Variants in KLHL1 observed in about 807,000 individuals in gnomAD.
KLHL1 encodes the protein kelch like family member 1.
Under a neutral mutation model 77.7 loss-of-function variants are expected in KLHL1, and 47 were observed. That is an observed-to-expected ratio of 0.60 (90% CI 0.48 to 0.77). The LOEUF (loss-of-function observed/expected upper bound fraction) is 0.77, where lower values mean the gene tolerates loss of function less well. Among genes scored for constraint, KLHL1 ranks in the 30% least tolerant of loss-of-function variants. KLHL1 has a pLI of 0.00. For synonymous variants in KLHL1, 360 were observed against 325.2 expected (o/e 1.11, Z -1.15); for missense variants, 925 against 910.8 (o/e 1.02, Z -0.20).
Position 69,839,232 on chromosome 13 carries a change from T to C in KLHL1, c.1228-70A>G, listed in dbSNP as rs904976588. The stretch of plus-strand genomic sequence containing the variant: ...TGAACATTATGTCATTCCTTAAAAC[T>C]AGAAGTTTAATGTCTGTGATATTAT... On this transcript the variant is annotated intron_variant, in intron 5 of 10. Coordinates refer to ENST00000377844, the MANE Select transcript of KLHL1 (RefSeq NM_020866.3). 6 of 1,106,436 alleles carry C rather than the reference T, an allele frequency of 5.4e-6. No homozygotes were observed. The African/African-American group carries it at 8.0e-5, about 15-fold the overall frequency. 68.5% of individuals were successfully genotyped at this position (1,106,436 alleles called of 1,614,324 possible).
intron 1 of KLHL1, among the ~76,000 whole-genome samples, chr13:70,000,524 T>G (rs1217688453): frequency 2.6e-5 from 4 of 151,956 alleles, no homozygotes; most frequent in Non-Finnish European, 5.9e-5. Flanking sequence ...AAAGTTTGAT[T>G]GATCTTTTCA....
At chr13:70,103,932 G>A (rs534762608) in intron 1 of KLHL1, among the ~76,000 whole-genome samples, 1 of 152,250 alleles carries the variant, frequency 6.6e-6, no homozygotes, top group Non-Finnish European at 1.5e-5. Flanking sequence ...ATGCAAATCT[G>A]TAAAGACAGT....
At chr13:70,095,018 G>A (rs1479569941) in intron 1 of KLHL1, among the ~76,000 whole-genome samples, 1 of 151,964 alleles carries the variant, frequency 6.6e-6, no homozygotes, top group African/African-American at 2.4e-5. Context: ...TCTGAGCCTG[G>A]GTATCTCTCT....
At chr13:69,808,080 A>C (rs1877694096) in intron 6 of KLHL1, among the ~76,000 whole-genome samples, 1 of 152,132 alleles carries the variant, frequency 6.6e-6, no homozygotes. Flanking sequence ...CCAGCTACTG[A>C]AGGCAACACC....
At chr13:69,918,378 T>G (rs76251627) in intron 4 of KLHL1, among the ~76,000 whole-genome samples, 1 of 152,126 alleles carries the variant, frequency 6.6e-6, no homozygotes, top group East Asian at 1.9e-4. Context: ...ATACTACATA[T>G]TTTCTCCCAA....
chr13:69,865,473 G>A (rs1006189739), intron 5 of KLHL1, among the ~76,000 whole-genome samples: 4 of 152,088 alleles, frequency 2.6e-5, no homozygotes, highest in African/African-American at 2.4e-5. Flanking sequence ...AATGATGTGC[G>A]CATTTCAAAG....
intron 4 of KLHL1, among the ~76,000 whole-genome samples, chr13:69,933,811 T>G (rs897740750): frequency 1.3e-5 from 2 of 151,776 alleles, no homozygotes; most frequent in African/African-American, 4.8e-5. Flanking sequence ...AAAAAAATAC[T>G]TGAGAAAAAA....
chr13:70,080,015 TAGGTAA>T (rs1051402215), intron 1 of KLHL1, among the ~76,000 whole-genome samples: 6 of 152,128 alleles, frequency 3.9e-5, no homozygotes, highest in African/African-American at 1.4e-4. Context: ...TCTGGCTCAG[TAGGTAA>T]AAGAAGGGAT....
At chr13:70,061,705 C>T (rs1185685372) in intron 1 of KLHL1, among the ~76,000 whole-genome samples, 2 of 152,158 alleles carry the variant, frequency 1.3e-5, no homozygotes, top group Non-Finnish European at 1.5e-5. Context: ...TCTCAATTCT[C>T]TTCTCTCCAC....
At chr13:70,044,452 A>G (rs1443758672) in intron 1 of KLHL1, among the ~76,000 whole-genome samples, 1 of 152,176 alleles carries the variant, frequency 6.6e-6, no homozygotes, top group African/African-American at 2.4e-5. Flanking sequence ...AATAAATACT[A>G]TTTGTATTTA....
intron 3 of KLHL1, among the ~76,000 whole-genome samples, chr13:69,949,104 A>G (rs1321481189): frequency 6.6e-6 from 1 of 151,942 alleles, no homozygotes; most frequent in Admixed American, 6.6e-5. Flanking sequence ...CCCATTATTA[A>G]CATCTTACAT....
chr13:69,880,646 T>C (rs17085574), intron 5 of KLHL1, among the ~76,000 whole-genome samples: 8,728 of 152,170 alleles, frequency 0.057, 642 homozygotes, highest in African/African-American at 0.17. Context: ...TCTGATCTGA[T>C]GTAACCATTT....
chr13:70,046,593 T>G (rs1277150723), intron 1 of KLHL1, among the ~76,000 whole-genome samples: 2 of 152,210 alleles, frequency 1.3e-5, no homozygotes, highest in Non-Finnish European at 2.9e-5. Context: ...GCTCAAGCGA[T>G]TCGCGTGCTT....
chr13:70,068,152 T>C (rs1593717096), intron 1 of KLHL1, among the ~76,000 whole-genome samples: 2 of 151,626 alleles, frequency 1.3e-5, no homozygotes, highest in African/African-American at 4.8e-5. Flanking sequence ...CCATCCTGGC[T>C]AACACGGTGA....
chr13:69,795,755 A>C (rs1159002844), intron 7 of KLHL1, among the ~76,000 whole-genome samples: 25 of 152,200 alleles, frequency 1.6e-4, no homozygotes. Context: ...ATGCACATCG[A>C]GATCCGAATC....
chr13:69,733,413 A>G (rs754116592), intron 8 of KLHL1, among the ~76,000 whole-genome samples: 3 of 152,194 alleles, frequency 2.0e-5, no homozygotes, highest in Non-Finnish European at 2.9e-5. Flanking sequence ...AATAAATTAC[A>G]TAATCAACAC....
chr13:69,800,062 T>G (rs1333615205), intron 6 of KLHL1, among the ~76,000 whole-genome samples: 3 of 152,194 alleles, frequency 2.0e-5, no homozygotes, highest in Non-Finnish European at 4.4e-5. Flanking sequence ...TGGAAAAATG[T>G]TCTTCCACCA....
Position 69,961,446 on chromosome 13 carries a change from T to G in KLHL1, c.681-2A>C. ...TCGGAGACTGAACTCAGAACAAGCC[T>G]GAAAGAGTCACAGGTTCTAATTTAG... On this transcript the variant is annotated splice_acceptor_variant, in intron 2 of 10. Coordinates refer to ENST00000377844, the MANE Select transcript of KLHL1 (RefSeq NM_020866.3). LOFTEE classifies it high-confidence loss of function. 6.2e-7 allele frequency: 1 copy of G among 1,612,558 alleles called. No homozygotes were observed. The highest frequency in any genetic ancestry group is 2.2e-5 in the East Asian group (1 of 44,746).
At chr13:69,891,504 G>A (rs1276556997) in intron 4 of KLHL1, among the ~76,000 whole-genome samples, 2 of 151,858 alleles carry the variant, frequency 1.3e-5, no homozygotes, top group Admixed American at 6.6e-5. Flanking sequence ...ATAGATAAGA[G>A]GAGTTAGAAA....
Sources: allele counts gnomAD v4.1 joint callset (sites outside exome capture counted in the v4.1 genomes callset), GRCh38; gene constraint gnomAD v4.1.1; transcripts MANE v1.5; gene names NCBI Gene and HGNC (gene_info 2026-07-23, HGNC 2026-07-21).